The following PRMT8 variants were observed in gnomAD, a reference collection of about 807,000 sequenced individuals.
PRMT8 encodes the protein protein arginine N-methyltransferase 8.
PRMT8 carries 7 observed loss-of-function variants against 47.1 expected under a neutral mutation model. The observed-to-expected ratio is 0.15, with a 90% CI of 0.08 to 0.28. The LOEUF is 0.28. Among genes scored for constraint, PRMT8 ranks in the 10% least tolerant of loss-of-function variants. PRMT8 has a pLI of 1.00. For synonymous variants in PRMT8, 188 were observed against 186.5 expected (o/e 1.01, Z -0.07); for missense variants, 237 against 505.4 (o/e 0.47, Z 5.09).
At chr12:3,411,855 A>G (rs1162979508) in intron 1 of PRMT8, among the ~76,000 whole-genome samples, 2 of 152,218 alleles carry the variant, frequency 1.3e-5, no homozygotes, top group African/African-American at 2.4e-5. Context: ...AGACTCCAGA[A>G]CTTAAGAAAT....
At chr12:3,507,167 G>C (rs1057225330) in intron 1 of PRMT8, among the ~76,000 whole-genome samples, 3 of 147,930 alleles carry the variant, frequency 2.0e-5, no homozygotes, top group Non-Finnish European at 4.5e-5. Context: ...TTTCACCCAG[G>C]CTGGAGTGCA....
chr12:3,434,152 G>A (rs910791018), intron 1 of PRMT8, among the ~76,000 whole-genome samples: 2 of 152,106 alleles, frequency 1.3e-5, no homozygotes, highest in Admixed American at 6.6e-5. Flanking sequence ...TGAACTCGAG[G>A]TCTAGTCATT....
intron 4 of PRMT8, among the ~76,000 whole-genome samples, chr12:3,559,922 C>G (rs933611629): frequency 2.0e-5 from 3 of 152,214 alleles, no homozygotes; most frequent in African/African-American, 7.2e-5. Context: ...ATGGCTCAGA[C>G]TTGATTCTAT....
chr12:3,444,753 G>A (rs530830256), intron 1 of PRMT8, among the ~76,000 whole-genome samples: 3 of 152,368 alleles, frequency 2.0e-5, no homozygotes, highest in Non-Finnish European at 4.4e-5. Context: ...CAGCAGTTCC[G>A]TGGGAGATTG....
In PRMT8 at chr12:3,550,782, G is replaced by A. The variant is rs1866403903; in HGVS notation, c.417+691G>A. The A allele has an allele frequency of 6.6e-6, 1 of 152,200 alleles. No individual in the cohort carries two copies. The highest frequency in any genetic ancestry group is 6.5e-5 in the Admixed American group (1 of 15,280). 9.4% of individuals were successfully genotyped at this position (152,200 alleles called of 1,614,324 possible). ...CTGGGAAGCCTCCTACCTATCCCCT[G>A]GCTCTCCCAAGGCAGCTTTGCCCAG... On this transcript the variant is annotated intron_variant, in intron 3 of 9. Coordinates refer to ENST00000382622, the MANE Select transcript of PRMT8 (RefSeq NM_019854.5). This position sits in a 1 kb window ranked among gnomAD's most constrained non-coding sequence, Gnocchi z 5.1.
intron 1 of PRMT8, among the ~76,000 whole-genome samples, chr12:3,494,363 G>T (rs947834738): frequency 3.3e-5 from 5 of 152,178 alleles, no homozygotes; most frequent in Admixed American, 6.5e-5. Flanking sequence ...GATAAGCAAA[G>T]ATTAGTATTC....
rs1866391482 is a variant in PRMT8 at position 3,550,178 on chromosome 12, A to C, written c.417+87A>C. The C allele has an allele frequency of 6.5e-7, 1 of 1,543,826 alleles. No homozygotes were observed. Among genetic ancestry groups the C allele is most frequent in the Non-Finnish European group, 8.8e-7 (1 of 1,134,108 alleles). On this transcript the variant is annotated intron_variant, in intron 3 of 9. Coordinates refer to ENST00000382622, the MANE Select transcript of PRMT8 (RefSeq NM_019854.5). The surrounding 1 kb of genome is among the most constrained non-coding windows in gnomAD (Gnocchi z 5.1). ...TCCACCCGCCCTTCTAGAAGTACAA[A>C]ATTTGGTCCATCTCTTTTGCTGGGG...
Position 3,492,681 on chromosome 12 carries a change from G to T in PRMT8, c.75+981G>T, listed in dbSNP as rs1353625136. 6.6e-6 allele frequency among the ~76,000 whole-genome samples: 1 copy of T among 152,140 alleles called. No individual in the cohort carries two copies. Among genetic ancestry groups the T allele is most frequent in the Non-Finnish European group, 1.5e-5 (1 of 68,014 alleles). ...TTACAACAACCGGACTATTCCGTAG[G>T]CTCTGGGCACCTGTAGTCACGAAGG... On this transcript the variant is annotated intron_variant, in intron 1 of 9. Coordinates refer to ENST00000382622, the MANE Select transcript of PRMT8 (RefSeq NM_019854.5). This position sits in a 1 kb window ranked among gnomAD's most constrained non-coding sequence, Gnocchi z 7.5.
intron 8 of PRMT8, among the ~76,000 whole-genome samples, chr12:3,585,824 G>T (rs948849204): frequency 1.3e-5 from 2 of 152,126 alleles, no homozygotes; most frequent in Non-Finnish European, 2.9e-5. Flanking sequence ...GGGGAAGGTG[G>T]ATTTTACTTT....
intron 1 of PRMT8, among the ~76,000 whole-genome samples, chr12:3,437,662 T>A (rs1864759576): frequency 6.7e-6 from 1 of 149,352 alleles, no homozygotes; most frequent in Non-Finnish European, 1.5e-5. Context: ...TGCATTCAGC[T>A]ACTCTTTCTG....
rs1866441342 is a variant in PRMT8, at chr12:3,552,580, G to A, written c.418-1071G>A. The A allele has an allele frequency of 2.7e-6, 1 of 375,140 alleles. No homozygotes were observed. The highest frequency in any genetic ancestry group is 5.4e-6 in the Non-Finnish European group (1 of 186,358). 23.2% of individuals were successfully genotyped at this position (375,140 alleles called of 1,614,324 possible). A position where few individuals can be genotyped will look rare whatever the true frequency, so the allele number is the denominator to read the frequency against. On this transcript the variant is annotated intron_variant, in intron 3 of 9. Coordinates refer to ENST00000382622, the MANE Select transcript of PRMT8 (RefSeq NM_019854.5). This position sits in a 1 kb window ranked among gnomAD's most constrained non-coding sequence, Gnocchi z 4.5. ...GAGGGAATCACACCCCACAGACAGT[G>A]CAGCCTGAAGGCCAGGGACCTGGCA...
intron 1 of PRMT8, among the ~76,000 whole-genome samples, chr12:3,393,097 T>C (rs1864211651): frequency 6.6e-6 from 1 of 152,248 alleles, no homozygotes; most frequent in Non-Finnish European, 1.5e-5. Flanking sequence ...CAGTTCATTA[T>C]AGATTCTGGA....
intron 1 of PRMT8, among the ~76,000 whole-genome samples, chr12:3,477,401 A>G (rs1213465507): frequency 1.3e-5 from 2 of 152,232 alleles, no homozygotes; most frequent in African/African-American, 4.8e-5. Flanking sequence ...GTATAACCTG[A>G]AATAGCCAAG....
rs1447851628 is a variant in PRMT8 at position 3,569,412 on chromosome 12, C to T, written c.625-65C>T. ...TTGTCTGGTGACTCTATGTGCAGTT[C>T]AAAATGTGATGTCTTTGTCAGGTGA... On this transcript the variant is annotated intron_variant, in intron 5 of 9. Coordinates refer to ENST00000382622, the MANE Select transcript of PRMT8 (RefSeq NM_019854.5). This position sits in a 1 kb window ranked among gnomAD's most constrained non-coding sequence, Gnocchi z 8.2. 1 of 1,378,048 alleles carries T rather than the reference C, an allele frequency of 7.3e-7. No homozygotes were observed. Among genetic ancestry groups the T allele is most frequent in the Non-Finnish European group, 1.0e-6 (1 of 964,710 alleles). The allele number at this position is 1,378,048 out of a possible 1,614,324, so 85.4% of individuals were successfully genotyped here.
At chr12:3,486,104 A>C (rs2137105107) in intron 1 of PRMT8, among the ~76,000 whole-genome samples, 1 of 152,312 alleles carries the variant, frequency 6.6e-6, no homozygotes, top group South Asian at 2.1e-4. Flanking sequence ...AAAACTTCTC[A>C]TCTGTAAAAG....
At chr12:3,540,820 G>A (rs761480095) in intron 2 of PRMT8, 29 bp downstream of exon 2, 1 of 1,600,480 alleles carries the variant, frequency 6.2e-7, no homozygotes, top group Non-Finnish European at 8.5e-7. Flanking sequence ...GTGGCTAATG[G>A]GGCGAGGCTG....
upstream of PRMT8, among the ~76,000 whole-genome samples, chr12:3,487,353 G>A (rs369692218): frequency 0.46 from 200 of 438 alleles, 2 homozygotes; most frequent in East Asian, 0.5. Context: ...AGCATGGTCC[G>A]CAGTTAAAAT....
Position 3,557,384 on chromosome 12 carries a change from A to G in PRMT8, c.481+3670A>G, listed in dbSNP as rs9668853. On this transcript the variant is annotated intron_variant, in intron 4 of 9. Coordinates refer to ENST00000382622, the MANE Select transcript of PRMT8 (RefSeq NM_019854.5). The surrounding 1 kb of genome is among the most constrained non-coding windows in gnomAD (Gnocchi z 4.7). Reference sequence around the variant, plus strand: ...TGGGCCAGGAAGGAAGCGGAGAAGGATGGTGGTGGTTGTGACAAAGGCTGG... The same window carrying G: ...TGGGCCAGGAAGGAAGCGGAGAAGGGTGGTGGTGGTTGTGACAAAGGCTGG... 0.96 allele frequency among the ~76,000 whole-genome samples: 145,606 copies of G among 152,150 alleles called. 69,730 individuals are homozygous for G. The highest frequency in any genetic ancestry group is 1 in the East Asian group (5,137 of 5,140).
chr12:3,562,620 G>T (rs146847464), intron 4 of PRMT8, among the ~76,000 whole-genome samples: 3 of 152,200 alleles, frequency 2.0e-5, no homozygotes, highest in Admixed American at 6.5e-5. Flanking sequence ...AGCCAATTGC[G>T]TGCGCTCATC....
Sources: allele counts gnomAD v4.1 joint callset (sites outside exome capture counted in the v4.1 genomes callset), GRCh38; gene constraint gnomAD v4.1.1; non-coding constraint Gnocchi (gnomAD v3.1); transcripts MANE v1.5; gene names NCBI Gene and HGNC (gene_info 2026-07-23, HGNC 2026-07-21).